Variants in DOCK5 observed in about 807,000 individuals in gnomAD.
DOCK5 encodes dedicator of cytokinesis 5, also known as dedicator of cytokinesis protein 5.
In DOCK5, 142 loss-of-function variants were observed where a neutral mutation model predicts 251.8. That is an observed-to-expected ratio of 0.56 (90% CI 0.49 to 0.65). The LOEUF is 0.65. Ranked by LOEUF, DOCK5 falls within the 30% of genes least tolerant of loss-of-function variation. DOCK5 has a pLI of 0.00. For missense variants in DOCK5, 2,111 were observed against 2,312.3 expected (o/e 0.91, Z 1.79); for synonymous variants, 842 against 835.5 (o/e 1.01, Z -0.13).
At chr8:25,230,372 G>A (rs993925101) in intron 1 of DOCK5, among the ~76,000 whole-genome samples, 1 of 152,258 alleles carries the variant, frequency 6.6e-6, no homozygotes, top group East Asian at 1.9e-4. Flanking sequence ...AGCCTCTCAC[G>A]TAATTCCGAT....
At chr8:25,228,550 G>A (rs1802588460) in intron 1 of DOCK5, among the ~76,000 whole-genome samples, 1 of 152,188 alleles carries the variant, frequency 6.6e-6, no homozygotes, top group Non-Finnish European at 1.5e-5. Flanking sequence ...GTTACAGACA[G>A]ATTAAGGGGC....
intron 1 of DOCK5, among the ~76,000 whole-genome samples, chr8:25,215,882 G>A (rs1802229963): frequency 6.7e-6 from 1 of 149,266 alleles, no homozygotes; most frequent in South Asian, 2.1e-4. Flanking sequence ...ATTATTAAAA[G>A]TAACACCTCT....
chr8:25,379,124 G>A (rs1017053963), intron 38 of DOCK5, among the ~76,000 whole-genome samples: 5 of 152,168 alleles, frequency 3.3e-5, no homozygotes, highest in Admixed American at 6.5e-5. Context: ...TATGTTCAGC[G>A]GTGCACGTAT....
intron 16 of DOCK5, among the ~76,000 whole-genome samples, chr8:25,321,768 T>C (rs2666175): frequency 0.79 from 119,580 of 151,952 alleles, 47,191 homozygotes; most frequent in African/African-American, 0.84. Flanking sequence ...GGTTTATGGC[T>C]TGGGGTTTGA....
At chr8:25,309,432 C>T (rs1439270954) in intron 12 of DOCK5, among the ~76,000 whole-genome samples, 2 of 152,128 alleles carry the variant, frequency 1.3e-5, no homozygotes, top group Non-Finnish European at 2.9e-5. Context: ...ATCCTCCCAC[C>T]TTGGCCTCCC....
At chr8:25,320,354 C>T (rs929619773) in intron 15 of DOCK5, among the ~76,000 whole-genome samples, 11 of 152,108 alleles carry the variant, frequency 7.2e-5, no homozygotes, top group Non-Finnish European at 1.5e-5. Context: ...TTCTATAGTT[C>T]ATATGTTTTG....
At position 25,307,267 on chromosome 8, in the gene DOCK5, T is replaced by A. The variant is rs149918233; in HGVS notation, c.1050-1516T>A. Among the ~76,000 whole-genome samples the A allele has an allele frequency of 4.4e-3, 670 of 152,158 alleles. 4 individuals are homozygous for A. Among genetic ancestry groups the A allele is most frequent in the African/African-American group, 0.015 (631 of 41,504 alleles). On this transcript the variant is annotated intron_variant, in intron 11 of 51. Coordinates refer to ENST00000276440, the MANE Select transcript of DOCK5 (RefSeq NM_024940.8). ...CTGAGTAGCTGAGATTACAGGTGCA[T>A]GCCATTACACCCAGCTAATTTTTCT... is the stretch of plus-strand genomic sequence containing the variant.
chr8:25,259,087 G>A (rs922070730), intron 2 of DOCK5, among the ~76,000 whole-genome samples: 9 of 152,270 alleles, frequency 5.9e-5, no homozygotes, highest in East Asian at 1.9e-4. Flanking sequence ...GCCACTGTAC[G>A]CCAGTCTGGG....
chr8:25,334,288 T>C (rs548090213), intron 21 of DOCK5, 92 bp downstream of exon 21: 2 of 1,047,256 alleles, frequency 1.9e-6, no homozygotes, highest in South Asian at 2.6e-5. Flanking sequence ...GACCTATTAC[T>C]ATTCAGTAAA....
intron 7 of DOCK5, among the ~76,000 whole-genome samples, chr8:25,296,958 A>G (rs543650589): frequency 9.3e-4 from 141 of 152,340 alleles, no homozygotes; most frequent in African/African-American, 3.2e-3. Context: ...CTCTGAAATA[A>G]TAGACAAGAA....
At chr8:25,214,094 T>C (rs1802168928) in intron 1 of DOCK5, among the ~76,000 whole-genome samples, 1 of 152,148 alleles carries the variant, frequency 6.6e-6, no homozygotes, top group African/African-American at 2.4e-5. Flanking sequence ...GAAGCCAAGT[T>C]TGTGTACATT....
intron 6 of DOCK5, among the ~76,000 whole-genome samples, chr8:25,295,859 A>G (rs934198345): frequency 6.6e-6 from 1 of 152,114 alleles, no homozygotes; most frequent in Non-Finnish European, 1.5e-5. Flanking sequence ...TTGCTTTCTC[A>G]TGCAGGCTAG....
chr8:25,300,153 G>T (rs1009924554), intron 8 of DOCK5, among the ~76,000 whole-genome samples: 1 of 152,162 alleles, frequency 6.6e-6, no homozygotes, highest in African/African-American at 2.4e-5. Context: ...CGATCCGCCC[G>T]CCTTGACCTC....
chr8:25,243,012 A>G (rs7825316), intron 1 of DOCK5, among the ~76,000 whole-genome samples: 8,417 of 152,298 alleles, frequency 0.055, 541 homozygotes, highest in African/African-American at 0.16. Context: ...AAATCCCACA[A>G]TATATTTTCA....
chr8:25,285,451 G>C (rs1455299917), intron 5 of DOCK5, among the ~76,000 whole-genome samples: 1 of 152,074 alleles, frequency 6.6e-6, no homozygotes, highest in Non-Finnish European at 1.5e-5. Context: ...AGCCAATCAA[G>C]TGAATTTAAT....
intron 20 of DOCK5, among the ~76,000 whole-genome samples, chr8:25,333,085 A>G (rs1239918664): frequency 6.6e-6 from 1 of 152,250 alleles, no homozygotes; most frequent in Admixed American, 6.5e-5. Flanking sequence ...GAGCCTCATT[A>G]GGCAGAATAT....
chr8:25,256,689 C>T (rs1294645913), intron 2 of DOCK5, among the ~76,000 whole-genome samples: 2 of 136,912 alleles, frequency 1.5e-5, no homozygotes, highest in African/African-American at 2.7e-5. Context: ...TTGAAAGATA[C>T]AAAGGGTGAA....
At chr8:25,307,799 AG>A (rs1804986841) in intron 11 of DOCK5, among the ~76,000 whole-genome samples, 1 of 152,194 alleles carries the variant, frequency 6.6e-6, no homozygotes, top group Non-Finnish European at 1.5e-5. Flanking sequence ...CAACAGCCGC[AG>A]TGGAGTATTC....
At chr8:25,308,746 C>T in intron 11 of DOCK5, 37 bp from the exon 12 acceptor site, 2 of 1,607,922 alleles carry the variant, frequency 1.2e-6, no homozygotes, top group African/African-American at 1.3e-5. Context: ...CTTCCTTTCT[C>T]CCCCTCCCAC....
Sources: allele counts gnomAD v4.1 joint callset (sites outside exome capture counted in the v4.1 genomes callset), GRCh38; gene constraint gnomAD v4.1.1; transcripts MANE v1.5; gene names NCBI Gene and HGNC (gene_info 2026-07-23, HGNC 2026-07-21).